Variants in SLC24A3 observed in about 807,000 individuals in gnomAD.
SLC24A3 encodes sodium/potassium/calcium exchanger 3.
Under a neutral mutation model 75.8 loss-of-function variants are expected in SLC24A3, and 28 were observed. The observed-to-expected ratio is 0.37, with a 90% CI of 0.27 to 0.51. The LOEUF (loss-of-function observed/expected upper bound fraction) is 0.51. SLC24A3 is among the 20% of genes least tolerant of loss of function. SLC24A3 has a pLI of 0.94. For missense variants in SLC24A3, 663 were observed against 847.8 expected (o/e 0.78, Z 2.71); for synonymous variants, 372 against 334.1 (o/e 1.11, Z -1.24).
At chr20:19,458,359 T>C (rs567669632) in intron 2 of SLC24A3, among the ~76,000 whole-genome samples, 2 of 152,348 alleles carry the variant, frequency 1.3e-5, no homozygotes, top group East Asian at 3.9e-4. Context: ...ACTTGGTTTT[T>C]AAAATTGTCG....
intron 2 of SLC24A3, among the ~76,000 whole-genome samples, chr20:19,309,549 G>A (rs1052180726): frequency 2.1e-5 from 3 of 145,962 alleles, no homozygotes; most frequent in African/African-American, 5.5e-5. Flanking sequence ...TAGCTCCCCA[G>A]GTGGTACCTA....
At chr20:19,641,123 GC>G (rs2032071249) in intron 6 of SLC24A3, among the ~76,000 whole-genome samples, 1 of 151,994 alleles carries the variant, frequency 6.6e-6, no homozygotes, top group African/African-American at 2.4e-5. Context: ...AGACTATATG[GC>G]TTCTGCCTGT....
intron 2 of SLC24A3, among the ~76,000 whole-genome samples, chr20:19,499,170 GACATAACA>G (rs1310229847): frequency 6.6e-6 from 1 of 152,220 alleles, no homozygotes; most frequent in African/African-American, 2.4e-5. Flanking sequence ...AAAAATGTGA[GACATAACA>G]ATAAAATGTT....
At chr20:19,557,114 TGTG>T (rs1221409802) in intron 3 of SLC24A3, among the ~76,000 whole-genome samples, 11 of 152,162 alleles carry the variant, frequency 7.2e-5, no homozygotes, top group Non-Finnish European at 1.3e-4. Context: ...CAGGGCAAAC[TGTG>T]GTTGTTTACT....
At position 19,558,477 on chromosome 20, in the gene SLC24A3, A is replaced by G. The variant is rs1358113673; in HGVS notation, c.349-21523A>G. 2.0e-5 allele frequency among the ~76,000 whole-genome samples: 3 copies of G among 152,090 alleles called. No homozygotes were observed. The East Asian group carries it at 5.8e-4, about 29-fold the overall frequency. ...TCTACAGACATTTTTAAACTTCACC[A>G]GTTTTCCCACCAAGCTGTTTGTCTG... On this transcript the variant is annotated intron_variant, in intron 3 of 16. Coordinates refer to ENST00000328041, the MANE Select transcript of SLC24A3 (RefSeq NM_020689.4).
chr20:19,689,782 C>T (rs1319853078), intron 12 of SLC24A3, among the ~76,000 whole-genome samples: 1 of 152,118 alleles, frequency 6.6e-6, no homozygotes, highest in Non-Finnish European at 1.5e-5. Context: ...AATCCCAGAA[C>T]TTTGGGATGC....
intron 2 of SLC24A3, among the ~76,000 whole-genome samples, chr20:19,465,864 C>T (rs895885750): frequency 6.6e-6 from 1 of 152,168 alleles, no homozygotes; most frequent in South Asian, 2.1e-4. Flanking sequence ...ACAGTGAAAC[C>T]CAGGCCTCAT....
chr20:19,213,111 G>A, intron 1 of SLC24A3, 127 bp downstream of exon 1: 1 of 1,072,078 alleles, frequency 9.3e-7, no homozygotes, highest in Non-Finnish European at 1.2e-6. Context: ...GGGTTGGCGG[G>A]GGGAGTGGGA....
chr20:19,618,793 C>A (rs188218285), intron 6 of SLC24A3, among the ~76,000 whole-genome samples: 1 of 152,334 alleles, frequency 6.6e-6, no homozygotes, highest in Non-Finnish European at 1.5e-5. Flanking sequence ...ACTGTTACTT[C>A]AGATGAAAGC....
intron 2 of SLC24A3, among the ~76,000 whole-genome samples, chr20:19,440,198 G>C (rs1987274359): frequency 1.3e-5 from 2 of 152,188 alleles, no homozygotes; most frequent in South Asian, 4.1e-4. Context: ...GTAAATTTAA[G>C]AGCAGCACCA....
chr20:19,423,554 G>T lies in SLC24A3; in HGVS notation c.272-91934G>T, dbSNP rs6136725. ...GCAGAATTGTTTTCTCTGCTCCCAG[G>T]GGTTCTGTTTCTGTTTTGGTATAGG... On this transcript the variant is annotated intron_variant, in intron 2 of 16. Coordinates refer to ENST00000328041, the MANE Select transcript of SLC24A3 (RefSeq NM_020689.4). 0.029 allele frequency among the ~76,000 whole-genome samples: 4,372 copies of T among 152,188 alleles called. 406 individuals carry two copies. The East Asian group carries it at 0.38, about 13-fold the overall frequency.
intron 2 of SLC24A3, among the ~76,000 whole-genome samples, chr20:19,290,321 A>G (rs1453234472): frequency 6.6e-6 from 1 of 152,136 alleles, no homozygotes; most frequent in African/African-American, 2.4e-5. Context: ...TCAAGCTTCC[A>G]GGGGGTTATA....
chr20:19,346,395 G>T (rs1397140167), intron 2 of SLC24A3, among the ~76,000 whole-genome samples: 1 of 138,836 alleles, frequency 7.2e-6, no homozygotes, highest in Non-Finnish European at 1.5e-5. Flanking sequence ...TATATATATG[G>T]TGTATATATA....
rs113072948 is a variant in SLC24A3 at position 19,720,905 on chromosome 20, C to A, written c.1786-86C>A. Reference sequence around the variant, plus strand: ...CCGAGGCCCATAGTCAGCAGCCCTTCCCCGGGTCCCCTGGGTTCCCCTACC... The same window carrying A: ...CCGAGGCCCATAGTCAGCAGCCCTTACCCGGGTCCCCTGGGTTCCCCTACC... On this transcript the variant is annotated intron_variant, in intron 16 of 16. Coordinates refer to ENST00000328041, the MANE Select transcript of SLC24A3 (RefSeq NM_020689.4). The A allele has an allele frequency of 5.7e-5, 86 of 1,519,398 alleles. No homozygotes were observed. In the African/African-American group the frequency reaches 1.1e-3, roughly 20 times the overall value. The allele number at this position is 1,519,398 out of a possible 1,614,324, so 94.1% of individuals were successfully genotyped here. A position where few individuals can be genotyped will look rare whatever the true frequency, so the allele number is the denominator to read the frequency against.
intron 3 of SLC24A3, among the ~76,000 whole-genome samples, chr20:19,535,853 C>G (rs527787258): frequency 6.6e-6 from 1 of 152,174 alleles, no homozygotes; most frequent in African/African-American, 2.4e-5. Flanking sequence ...AATCATGGTT[C>G]TGGAGTCTGG....
chr20:19,449,504 G>A (rs1987445297), intron 2 of SLC24A3, among the ~76,000 whole-genome samples: 1 of 152,182 alleles, frequency 6.6e-6, no homozygotes, highest in Non-Finnish European at 1.5e-5. Context: ...CTTGACCTCT[G>A]GCAGGAAAAT....
chr20:19,350,667 GA>G (rs1223025419), intron 2 of SLC24A3, among the ~76,000 whole-genome samples: 1 of 152,214 alleles, frequency 6.6e-6, no homozygotes, highest in African/African-American at 2.4e-5. Flanking sequence ...TGATCTAATG[GA>G]AATGATTAGA....
At position 19,294,115 on chromosome 20, in the gene SLC24A3, T is replaced by C. The variant is rs74844615; in HGVS notation, c.271+13028T>C. Among the ~76,000 whole-genome samples the C allele has an allele frequency of 6.5e-3, 996 of 152,332 alleles. 9 individuals are homozygous for C. The highest frequency in any genetic ancestry group is 0.022 in the African/African-American group (910 of 41,552). ...TGGATTCAATGTAGTACTTGAGACG[T>C]GGCAAATTTAAGTTTTGCTTTTTGG... On this transcript the variant is annotated intron_variant, in intron 2 of 16. Coordinates refer to ENST00000328041, the MANE Select transcript of SLC24A3 (RefSeq NM_020689.4).
intron 4 of SLC24A3, among the ~76,000 whole-genome samples, chr20:19,583,677 A>G (rs1408218406): frequency 1.7e-4 from 26 of 152,202 alleles, no homozygotes; most frequent in Admixed American, 1.6e-3. Context: ...ACAGCAACAC[A>G]TGGCTCCCGC....
Sources: allele counts gnomAD v4.1 joint callset (sites outside exome capture counted in the v4.1 genomes callset), GRCh38; gene constraint gnomAD v4.1.1; transcripts MANE v1.5; gene names NCBI Gene and HGNC (gene_info 2026-07-23, HGNC 2026-07-21).